CCDC12: variants seen among roughly 807,000 people sequenced by gnomAD.
CCDC12 encodes coiled-coil domain containing 12, also known as coiled-coil domain-containing protein 12.
In CCDC12, 28 loss-of-function variants were observed where a neutral mutation model predicts 25.7. The ratio of observed to expected loss-of-function variants is 1.09; its 90% CI spans 0.81 to 1.50. CCDC12 has a LOEUF of 1.50. Ranked by LOEUF, CCDC12 falls within the 40% of genes most tolerant of loss-of-function variation. The probability of loss-of-function intolerance (pLI) is 0.00; values close to 1 mark genes in which losing one functional copy is unlikely to be tolerated. For missense variants in CCDC12, 198 were observed against 210.0 expected (o/e 0.94, Z 0.35); for synonymous variants, 75 against 87.7 (o/e 0.86, Z 0.81).
At chr3:46,931,526 C>T (rs1342195748) in intron 2 of CCDC12, among the ~76,000 whole-genome samples, 5 of 152,212 alleles carry the variant, frequency 3.3e-5, no homozygotes, top group Non-Finnish European at 1.5e-5. Flanking sequence ...CTCATGCTAC[C>T]AGGCTTATCC....
In CCDC12 at chr3:46,976,704, C is replaced by A. The variant is rs1362086468; in HGVS notation, c.29G>T (p.Arg10Leu). The change falls in exon 1 of 7, where the codon CGG becomes CTG. Residue 10 changes from arginine to leucine, a missense_variant. Arg to Leu is a moderately radical substitution (Grantham distance 102, BLOSUM62 -2). Coordinates refer to ENST00000683445, the MANE Select transcript of CCDC12 (RefSeq NM_001277074.2). Reference protein sequence around the residue: MEATTAGVGRLEEEALRRKE... With the variant: MEATTAGVGLLEEEALRRKE... ...TCGCCGCAACGCCTCTTCCTCTAGC[C>A]GGCCCACACCAGCCGTAGTTGCCTC... 1 of 1,603,234 alleles carries A rather than the reference C, an allele frequency of 6.2e-7. No individual in the cohort carries two copies. Among genetic ancestry groups the A allele is most frequent in the East Asian group, 2.3e-5 (1 of 43,734 alleles).
upstream of CCDC12, chr3:46,979,933 G>GCCCGCA (rs757306698): frequency 3.3e-5 from 12 of 362,660 alleles, no homozygotes; most frequent in South Asian, 2.9e-4. Flanking sequence ...CCCGCCCCGC[G>GCCCGCA]CCCGCACCCG....
intron 1 of CCDC12, among the ~76,000 whole-genome samples, chr3:46,944,687 C>T (rs1412160824): frequency 6.6e-6 from 1 of 152,048 alleles, no homozygotes; most frequent in Admixed American, 6.5e-5. Context: ...TGCCTGCCAG[C>T]CAGCCTTCCC....
rs145259393 is a variant in CCDC12, at chr3:46,976,664, C to T, written c.69G>A (p.Lys23=). ...TGCGCCCGGTTTTCTCCCGTAGGGC[C>T]TTCAGCCGTTCCTTTCGCCGCAACG... ...EEALRRKERL[K]ALREKTGRKD... Residue 23 remains lysine, a synonymous_variant, in exon 1 of 7, where the codon AAG becomes AAA. Coordinates refer to ENST00000683445, the MANE Select transcript of CCDC12 (RefSeq NM_001277074.2). 4.8e-4 allele frequency: 768 copies of T among 1,611,062 alleles called. 1 individual carries two copies. Among genetic ancestry groups the T allele is most frequent in the Non-Finnish European group, 6.2e-4 (729 of 1,178,666 alleles).
intron 1 of CCDC12, among the ~76,000 whole-genome samples, chr3:46,972,163 CTT>C (rs1347491324): frequency 3.9e-5 from 6 of 152,328 alleles, no homozygotes; most frequent in African/African-American, 9.6e-5. Context: ...ATTTTAAACT[CTT>C]TGCGCAGCAA....
intron 2 of CCDC12, among the ~76,000 whole-genome samples, chr3:46,933,994 A>T (rs1272049784): frequency 2.0e-5 from 3 of 151,592 alleles, no homozygotes; most frequent in African/African-American, 7.3e-5. Context: ...ATCTCGGCTC[A>T]CTACAAGCTC....
chr3:46,962,428 C>T (rs1314889429), intron 1 of CCDC12, among the ~76,000 whole-genome samples: 3 of 66,418 alleles, frequency 4.5e-5, no homozygotes, highest in Non-Finnish European at 5.3e-5. Context: ...GAGCAAAACT[C>T]TATCTCAAAA....
Position 46,950,782 on chromosome 3 carries a change from T to C in CCDC12, c.97-9717A>G, listed in dbSNP as rs60100816. Among the ~76,000 whole-genome samples the C allele has an allele frequency of 2.1e-3, 321 of 152,168 alleles. 3 individuals are homozygous for C. The highest frequency in any genetic ancestry group is 7.4e-3 in the African/African-American group (308 of 41,492). On this transcript the variant is annotated intron_variant, in intron 1 of 6. Coordinates refer to ENST00000683445, the MANE Select transcript of CCDC12 (RefSeq NM_001277074.2). ...ATAAATGGATGAATGAGTAAGAAAA[T>C]TTAGTATATACACACAATGAAATAC...
chr3:46,937,328 C>T (rs890806534), intron 2 of CCDC12, among the ~76,000 whole-genome samples: 6 of 152,212 alleles, frequency 3.9e-5, no homozygotes, highest in South Asian at 4.1e-4. Context: ...CTCCATAAGG[C>T]CTTGTCCCAC....
chr3:46,925,109 C>A (rs765165131), intron 3 of CCDC12: 2 of 438,100 alleles, frequency 4.6e-6, no homozygotes, highest in Admixed American at 2.6e-5. Context: ...GGACCCATCA[C>A]CCTGCCCTGC....
intron 1 of CCDC12, among the ~76,000 whole-genome samples, chr3:46,950,272 A>G (rs1212418564): frequency 3.3e-5 from 5 of 151,274 alleles, no homozygotes; most frequent in African/African-American, 1.2e-4. Context: ...CAGAAGGCCT[A>G]TTAGTATTAG....
intron 1 of CCDC12, among the ~76,000 whole-genome samples, chr3:46,950,058 T>C (rs1226174773): frequency 2.0e-5 from 3 of 149,378 alleles, no homozygotes; most frequent in Middle Eastern, 3.5e-3. Context: ...AAAAAAAAAC[T>C]GCCTGCTGAC....
intron 5 of CCDC12, 23 bp downstream of exon 5, chr3:46,923,306 C>T (rs2032769739): frequency 4.1e-6 from 6 of 1,474,876 alleles, no homozygotes; most frequent in Non-Finnish European, 3.6e-6. Flanking sequence ...AGCCTGCACC[C>T]GCCACGCACG....
upstream of CCDC12, among the ~76,000 whole-genome samples, chr3:46,977,311 A>G (rs964628554): frequency 6.6e-6 from 1 of 152,154 alleles, no homozygotes; most frequent in Non-Finnish European, 1.5e-5. Flanking sequence ...CATCTCTACT[A>G]AAAATACAAA....
upstream of CCDC12, chr3:46,976,753 CT>C (rs142757219): frequency 1.0e-3 from 1,602 of 1,592,812 alleles, 15 homozygotes; most frequent in African/African-American, 0.019. Flanking sequence ...TACGCCCCTC[CT>C]TTTCTCCCGT....
At chr3:46,955,444 T>C (rs968550315) in intron 1 of CCDC12, among the ~76,000 whole-genome samples, 1 of 151,962 alleles carries the variant, frequency 6.6e-6, no homozygotes, top group South Asian at 2.1e-4. Flanking sequence ...CCACTGGGAA[T>C]GAGAGAAGGT....
intron 1 of CCDC12, among the ~76,000 whole-genome samples, chr3:46,951,814 T>TATATAG (rs2034137472): frequency 1.5e-5 from 1 of 65,678 alleles, no homozygotes; most frequent in Non-Finnish European, 2.8e-5. Flanking sequence ...TATATATATA[T>TATATAG]ATATATATAC....
At chr3:46,940,969 C>G (rs2033676021) in intron 2 of CCDC12, 29 bp downstream of exon 2, 6 of 1,609,240 alleles carry the variant, frequency 3.7e-6, no homozygotes, top group Non-Finnish European at 5.1e-6. Flanking sequence ...GAGGAGAGAG[C>G]AGACCCTGGA....
At position 46,941,067 on chromosome 3, in the gene CCDC12, T is replaced by G; in HGVS notation, c.97-2A>C. On this transcript the variant is annotated splice_acceptor_variant, in intron 1 of 6. Coordinates refer to ENST00000683445, the MANE Select transcript of CCDC12 (RefSeq NM_001277074.2). LOFTEE classifies it high-confidence loss of function. ...CTTTGGCTCCCCATCTTCCTTGTCC[T>G]GCAAAGAAAGGGAGAAAACCACCAG... is the stretch of plus-strand genomic sequence containing the variant. 6.2e-7 allele frequency: 1 copy of G among 1,614,120 alleles called. No individual in the cohort carries two copies. The highest frequency in any genetic ancestry group is 8.5e-7 in the Non-Finnish European group (1 of 1,179,984).
Sources: gnomAD v4.1 joint callset for allele counts (sites outside exome capture counted in the v4.1 genomes callset) on GRCh38, gnomAD v4.1.1 for gene constraint, MANE v1.5 for transcripts, NCBI Gene and HGNC (gene_info 2026-07-23, HGNC 2026-07-21) for gene names.